The following FER1L5 variants were observed in gnomAD, a reference collection of about 807,000 sequenced individuals.
FER1L5 encodes the protein fer-1 like family member 5.
FER1L5 carries 187 observed loss-of-function variants against 279.9 expected under a neutral mutation model. The ratio of observed to expected loss-of-function variants is 0.67; its 90% CI spans 0.59 to 0.75. The LOEUF is 0.75. Ranked by LOEUF, FER1L5 falls within the 30% of genes least tolerant of loss-of-function variation. The pLI is 0.00. For missense variants in FER1L5, 2,091 were observed against 2,594.4 expected (o/e 0.81, Z 4.21); for synonymous variants, 921 against 989.7 (o/e 0.93, Z 1.30).
intron 50 of FER1L5, 79 bp from the exon 51 acceptor site, chr2:96,703,444 T>C (rs565049893): frequency 6.2e-7 from 1 of 1,607,256 alleles, no homozygotes; most frequent in African/African-American, 1.3e-5. Flanking sequence ...TTTCCTTTCT[T>C]GATCCCGGGA....
At chr2:96,665,403 C>T (rs746691782) in intron 14 of FER1L5, among the ~76,000 whole-genome samples, 1 of 152,082 alleles carries the variant, frequency 6.6e-6, no homozygotes. Flanking sequence ...ATAATCCCTG[C>T]CTCCTTGGAT....
intron 12 of FER1L5, 122 bp from the exon 13 acceptor site, chr2:96,662,093 G>A: frequency 1.0e-6 from 1 of 991,960 alleles, no homozygotes; most frequent in Non-Finnish European, 1.5e-6. Context: ...CTGGAGACAG[G>A]TCTGCCCAGG....
chr2:96,704,242 G>A lies in FER1L5; in HGVS notation c.5829G>A (p.Leu1943=), dbSNP rs2077701556. The A allele has an allele frequency of 6.2e-7, 1 of 1,614,010 alleles. No individual in the cohort carries two copies. Among genetic ancestry groups the A allele is most frequent in the African/African-American group, 1.3e-5 (1 of 75,032 alleles). The part of the protein sequence containing the change: ...PLRTNTSFTW[L]RSPVQNFCYI... The stretch of plus-strand genomic sequence containing the variant: ...GCACCAACACCTCTTTCACGTGGCT[G>A]CGGTCACCAGTTCAAAACTTCTGCT... The change falls in exon 52 of 53, where the codon CTG becomes CTA. Residue 1943 remains leucine (L), a synonymous_variant. Transcript: ENST00000624922.
rs1299513832 is a variant in FER1L5 at position 96,689,126 on chromosome 2, C to G, written c.2362-87C>G. On this transcript the variant is annotated intron_variant, in intron 24 of 52. Coordinates refer to ENST00000624922, the MANE Select transcript of FER1L5 (RefSeq NM_001293083.2). This position sits in a 1 kb window ranked among gnomAD's most constrained non-coding sequence, Gnocchi z 4.6. ...CCACATTTTTAGGATGCCCCTGCAGCCCAGAGTCAGGGGGCCCAGGGGAGG... is the reference window on the plus strand; with the variant it reads ...CCACATTTTTAGGATGCCCCTGCAGGCCAGAGTCAGGGGGCCCAGGGGAGG... The G allele has an allele frequency of 6.9e-7, 1 of 1,445,842 alleles. No homozygotes were observed. The highest frequency in any genetic ancestry group is 2.7e-5 in the Admixed American group (1 of 37,234). 89.6% of individuals were successfully genotyped at this position (1,445,842 alleles called of 1,614,324 possible). A position where few individuals can be genotyped will look rare whatever the true frequency, so the allele number is the denominator to read the frequency against.
chr2:96,673,006 C>T (rs2106587191), intron 18 of FER1L5, 71 bp from the exon 19 acceptor site: 1 of 1,485,594 alleles, frequency 6.7e-7, no homozygotes, highest in East Asian at 2.5e-5. Context: ...CTCATCCTTG[C>T]CTCCCTGCCT....
Position 96,685,216 on chromosome 2 carries a change from C to CA in FER1L5, c.1795-110dup, listed in dbSNP as rs1299932926. On this transcript the variant is annotated intron_variant, in intron 20 of 52. Transcript: ENST00000624922. ...GAACTGATATCACCAGGTTATCCCTCAAAGTTCCCAAGGTCGTGGCTGAAA... is the reference window on the plus strand; with the variant it reads ...GAACTGATATCACCAGGTTATCCCTCAAAAGTTCCCAAGGTCGTGGCTGAAA... 4 of 904,390 alleles carry CA rather than the reference C, an allele frequency of 4.4e-6. No homozygotes were observed. The East Asian group carries it at 1.1e-4, about 24-fold the overall frequency. The allele number at this position is 904,390 out of a possible 1,614,324, so 56.0% of individuals were successfully genotyped here. A position where few individuals can be genotyped will look rare whatever the true frequency, so the allele number is the denominator to read the frequency against.
At chr2:96,696,145 G>A (rs2077370376) in intron 37 of FER1L5, 68 bp downstream of exon 37, 3 of 1,599,478 alleles carry the variant, frequency 1.9e-6, no homozygotes, top group Non-Finnish European at 2.6e-6. Flanking sequence ...GGCCTAAGGA[G>A]GGGTGTCCAT....
intron 13 of FER1L5, 61 bp from the exon 14 acceptor site, chr2:96,663,378 G>T: frequency 3.4e-6 from 5 of 1,467,786 alleles, no homozygotes; most frequent in Non-Finnish European, 3.7e-6. Context: ...GAGCTGGAAG[G>T]TGAGGTCAGT....
Position 96,691,609 on chromosome 2 carries a change from C to A in FER1L5, c.3072C>A (p.Ser1024=). 6.6e-7 allele frequency: 1 copy of A among 1,520,874 alleles called. No individual in the cohort carries two copies. The highest frequency in any genetic ancestry group is 1.3e-5 in the South Asian group (1 of 79,282). 94.2% of individuals were successfully genotyped at this position (1,520,874 alleles called of 1,614,324 possible). The change falls in exon 29 of 53, where the codon TCC becomes TCA. Residue 1024 remains serine, a synonymous_variant. Transcript: ENST00000624922. This position sits in a 1 kb window ranked among gnomAD's most constrained non-coding sequence, Gnocchi z 6.0. The part of the protein sequence containing the change: ...GIAPIFLLEG[S]LAMDLKYHAG... ...CGCCCATATTCCTCCTGGAGGGGTCCTTGGTAAAGCCTCACAGGCTGGGTG... is the reference window on the plus strand; with the variant it reads ...CGCCCATATTCCTCCTGGAGGGGTCATTGGTAAAGCCTCACAGGCTGGGTG...
intron 3 of FER1L5, 116 bp from the exon 4 acceptor site, chr2:96,647,662 T>C: frequency 1.4e-6 from 1 of 726,676 alleles, no homozygotes; most frequent in Non-Finnish European, 2.3e-6. Context: ...CCAGCCTCTC[T>C]CTGAGGACAG....
intron 19 of FER1L5, among the ~76,000 whole-genome samples, chr2:96,680,503 A>C (rs1160763314): frequency 6.6e-6 from 1 of 151,428 alleles, no homozygotes; most frequent in Non-Finnish European, 1.5e-5. Flanking sequence ...TCTGGGCTGC[A>C]TTCTAGATGA....
At chr2:96,668,516 A>G (rs2076208899) in intron 14 of FER1L5, among the ~76,000 whole-genome samples, 1 of 152,202 alleles carries the variant, frequency 6.6e-6, no homozygotes, top group South Asian at 2.1e-4. Context: ...TCTAGGTGAC[A>G]GAGCAGCACC....
At chr2:96,695,073 C>A (rs1038179475) in intron 34 of FER1L5, 3 of 163,422 alleles carry the variant, frequency 1.8e-5, no homozygotes, top group African/African-American at 7.2e-5. Flanking sequence ...CACTGAATGG[C>A]CATGGGGTCC....
chr2:96,678,797 G>A (rs1393877402), intron 19 of FER1L5, among the ~76,000 whole-genome samples: 1 of 152,136 alleles, frequency 6.6e-6, no homozygotes, highest in Non-Finnish European at 1.5e-5. Flanking sequence ...ATTCAAATGT[G>A]TTGCCTGTTT....
In FER1L5 at chr2:96,684,469, C is replaced by A. The variant is rs769626699; in HGVS notation, c.1794+18C>A. 19 of 1,546,780 alleles carry A rather than the reference C, an allele frequency of 1.2e-5. No homozygotes were observed. The South Asian group carries it at 2.2e-4, about 18-fold the overall frequency. ...ACCGCCTGGTGAGTGGTGCGGGAGCCGATGCTGGGAAGACACCTGTTTCAG... is the reference window on the plus strand; with the variant it reads ...ACCGCCTGGTGAGTGGTGCGGGAGCAGATGCTGGGAAGACACCTGTTTCAG... On this transcript the variant is annotated intron_variant, in intron 20 of 52. Coordinates refer to ENST00000624922, the MANE Select transcript of FER1L5 (RefSeq NM_001293083.2).
In FER1L5 at chr2:96,699,755, G is replaced by A. The variant is rs1367608554; in HGVS notation, c.4781+35G>A. 3 of 1,611,132 alleles carry A rather than the reference G, an allele frequency of 1.9e-6. No homozygotes were observed. The South Asian group carries it at 3.3e-5, about 18-fold the overall frequency. ...GGCCCGTCTGGGGGAAGGGAGTCAGGTGGGGTGGAAGAGTGAGCCTACAGC... is the reference window on the plus strand; with the variant it reads ...GGCCCGTCTGGGGGAAGGGAGTCAGATGGGGTGGAAGAGTGAGCCTACAGC... On this transcript the variant is annotated intron_variant, in intron 43 of 52. Coordinates refer to ENST00000624922, the MANE Select transcript of FER1L5 (RefSeq NM_001293083.2).
chr2:96,673,128 A>G lies in FER1L5; in HGVS notation c.1543A>G (p.Thr515Ala). ...GCTGTGCGTCATCTTCCTTTCCTGT[A>G]CCATGATGCCCAACTTTAAAGAGCT... ...YGLCVIFLSC[T>A]MMPNFKELIH... Residue 515 changes from threonine to alanine, a missense_variant, in exon 19 of 53, where the codon ACC becomes GCC. Physicochemically the swap from Thr to Ala is moderately conservative, Grantham distance 58 (BLOSUM62 0). Transcript: ENST00000624922. 1 of 1,551,574 alleles carries G rather than the reference A, an allele frequency of 6.4e-7. No homozygotes were observed. The highest frequency in any genetic ancestry group is 8.7e-7 in the Non-Finnish European group (1 of 1,146,958).
intron 23 of FER1L5, 59 bp downstream of exon 23, chr2:96,686,409 C>T (rs1333200583): frequency 1.3e-6 from 2 of 1,504,732 alleles, no homozygotes; most frequent in Non-Finnish European, 1.8e-6. Flanking sequence ...CAGGGGAGCC[C>T]CCTGAACTCG....
At position 96,700,028 on chromosome 2, in the gene FER1L5, T is replaced by C. The variant is rs771064224; in HGVS notation, c.4878T>C (p.Pro1626=). The change falls in exon 44 of 53, where the codon CCT becomes CCC. Residue 1626 remains proline (P), a synonymous_variant. Coordinates refer to ENST00000624922, the MANE Select transcript of FER1L5 (RefSeq NM_001293083.2). ...GGCTACCTCCGCCTCTGTTCAGTCCTGAGGAAGATGCTGTTTTCTATAATG... is the reference window on the plus strand; with the variant it reads ...GGCTACCTCCGCCTCTGTTCAGTCCCGAGGAAGATGCTGTTTTCTATAATG... ...RKGLPPPLFS[P]EEDAVFYNGK... The C allele has an allele frequency of 6.2e-7, 1 of 1,613,958 alleles. No homozygotes were observed. The highest frequency in any genetic ancestry group is 1.7e-5 in the Admixed American group (1 of 60,026).
Sources: allele counts gnomAD v4.1 joint callset (sites outside exome capture counted in the v4.1 genomes callset), GRCh38; gene constraint gnomAD v4.1.1; non-coding constraint Gnocchi (gnomAD v3.1); transcripts MANE v1.5; gene names NCBI Gene and HGNC (gene_info 2026-07-23, HGNC 2026-07-21).